HNRNPLL: variants seen among roughly 807,000 people sequenced by gnomAD.
The protein encoded by HNRNPLL is heterogeneous nuclear ribonucleoprotein L like.
A neutral mutation model predicts 67.1 loss-of-function variants in HNRNPLL; 25 were observed. The ratio of observed to expected loss-of-function variants is 0.37; its 90% CI spans 0.27 to 0.52. The LOEUF (loss-of-function observed/expected upper bound fraction) is 0.52. Ranked by LOEUF, HNRNPLL falls within the 20% of genes least tolerant of loss-of-function variation. The pLI, the probability that HNRNPLL is intolerant of heterozygous loss-of-function variation, is 0.90. For missense variants in HNRNPLL, 542 were observed against 673.9 expected (o/e 0.80, Z 2.17); for synonymous variants, 267 against 241.7 (o/e 1.10, Z -0.97).
At chr2:38,602,157 G>A (rs1351216785) in intron 1 of HNRNPLL, 1 of 462,888 alleles carries the variant, frequency 2.2e-6, no homozygotes, top group Non-Finnish European at 3.8e-6. Context: ...CGGAAGCGAC[G>A]CCTCCCCGCC....
chr2:38,588,932 T>C (rs9789634), intron 2 of HNRNPLL, among the ~76,000 whole-genome samples: 11,716 of 152,154 alleles, frequency 0.077, 794 homozygotes, highest in African/African-American at 0.18. Context: ...AGGGACATGG[T>C]AGGATCAATG....
At chr2:38,571,210 T>G (rs1020887321) in intron 8 of HNRNPLL, among the ~76,000 whole-genome samples, 8 of 152,126 alleles carry the variant, frequency 5.3e-5, no homozygotes, top group African/African-American at 1.9e-4. Context: ...GTTTATAAAT[T>G]AGGCACAGTA....
intron 2 of HNRNPLL, 144 bp from the exon 3 acceptor site, chr2:38,586,025 C>G (rs1301336568): frequency 3.2e-5 from 17 of 539,188 alleles, no homozygotes; most frequent in Non-Finnish European, 5.6e-5. Flanking sequence ...CGTAAGTCAA[C>G]TTTTTTTTTT....
At position 38,593,536 on chromosome 2, in the gene HNRNPLL, A is replaced by G. The variant is rs187363918; in HGVS notation, c.190-1888T>C. ...AAACTGTATTGGCCTGAACTCTTCA[A>G]AAAGTTAGTATCAAAAACCAGTGGA... On this transcript the variant is annotated intron_variant, in intron 1 of 12. Transcript: ENST00000449105. Among the ~76,000 whole-genome samples the G allele has an allele frequency of 1.5e-3, 228 of 152,348 alleles. 1 individual carries two copies. Among genetic ancestry groups the G allele is most frequent in the African/African-American group, 5.4e-3 (225 of 41,592 alleles).
At chr2:38,580,961 A>T (rs1307551898) in intron 6 of HNRNPLL, 1 of 152,232 alleles carries the variant, frequency 6.6e-6, no homozygotes, top group Admixed American at 6.5e-5. Context: ...CAAACCACAC[A>T]GAAGAACGTC....
At chr2:38,591,465 T>C in intron 2 of HNRNPLL, 65 bp downstream of exon 2, 1 of 878,174 alleles carries the variant, frequency 1.1e-6, no homozygotes. Context: ...TCAAGGCTTG[T>C]AACAAGCAAG....
intron 7 of HNRNPLL, among the ~76,000 whole-genome samples, chr2:38,575,962 T>A (rs1558533996): frequency 6.6e-6 from 1 of 151,766 alleles, no homozygotes; most frequent in Non-Finnish European, 1.5e-5. Context: ...AGATTAAATA[T>A]CTTAATGGAC....
intron 7 of HNRNPLL, among the ~76,000 whole-genome samples, chr2:38,575,638 A>C (rs1646447034): frequency 6.6e-6 from 1 of 151,856 alleles, no homozygotes; most frequent in African/African-American, 2.4e-5. Context: ...ATCTGATGGA[A>C]TCTATGGGTC....
Position 38,602,693 on chromosome 2 carries a change from C to A in HNRNPLL, c.-67G>T. On this transcript the variant is annotated 5_prime_UTR_variant, in exon 1 of 13. Transcript: ENST00000449105. The stretch of plus-strand genomic sequence containing the variant: ...GCGGTGGGGCGCGCGCCTCGGATGC[C>A]GCCGGCCAGTCCTCGCCGCCGGCAG... 1.4e-6 allele frequency: 2 copies of A among 1,431,278 alleles called. No individual in the cohort carries two copies. Among genetic ancestry groups the A allele is most frequent in the Non-Finnish European group, 1.8e-6 (2 of 1,098,172 alleles). The allele number at this position is 1,431,278 out of a possible 1,614,324, so 88.7% of individuals were successfully genotyped here. A position where few individuals can be genotyped will look rare whatever the true frequency, so the allele number is the denominator to read the frequency against.
intron 7 of HNRNPLL, among the ~76,000 whole-genome samples, chr2:38,574,551 A>G (rs1453313366): frequency 6.7e-6 from 1 of 148,358 alleles, no homozygotes; most frequent in East Asian, 1.9e-4. Flanking sequence ...TCTATCTACT[A>G]AGTGAGTTAC....
intron 8 of HNRNPLL, 81 bp downstream of exon 8, chr2:38,573,129 G>A (rs967943407): frequency 2.3e-6 from 2 of 869,112 alleles, no homozygotes; most frequent in East Asian, 2.6e-5. Flanking sequence ...CCTGATACAA[G>A]GAGAAGACAC....
In HNRNPLL at chr2:38,591,465, T is replaced by TA. The variant is rs1379145884; in HGVS notation, c.308+64dup. 187 of 878,052 alleles carry TA rather than the reference T, an allele frequency of 2.1e-4. 1 individual carries two copies. The highest frequency in any genetic ancestry group is 3.2e-4 in the Non-Finnish European group (162 of 512,294). The allele number at this position is 878,052 out of a possible 1,614,324, so 54.4% of individuals were successfully genotyped here. ...TTACTATGCTAAACATCAAGGCTTG[T>TA]AACAAGCAAGCAAGGATTATTCTAC... On this transcript the variant is annotated intron_variant, in intron 2 of 12. Transcript: ENST00000449105.
intron 12 of HNRNPLL, among the ~76,000 whole-genome samples, chr2:38,565,191 GA>G (rs566881275): frequency 6.6e-6 from 1 of 151,816 alleles, no homozygotes; most frequent in Non-Finnish European, 1.5e-5. Flanking sequence ...GTTCATTAAA[GA>G]AAAAAAATTC....
At chr2:38,596,833 A>C (rs1667212655) in intron 1 of HNRNPLL, among the ~76,000 whole-genome samples, 1 of 152,142 alleles carries the variant, frequency 6.6e-6, no homozygotes, top group Non-Finnish European at 1.5e-5. Flanking sequence ...CTGCGTACCC[A>C]GAAAAAGAAG....
intron 12 of HNRNPLL, among the ~76,000 whole-genome samples, chr2:38,567,647 C>G (rs1015832705): frequency 6.6e-6 from 1 of 152,032 alleles, no homozygotes; most frequent in Non-Finnish European, 1.5e-5. Flanking sequence ...CTGTATAGTC[C>G]CCTCCTACAC....
At chr2:38,582,484 A>C (rs13420480) in intron 4 of HNRNPLL, among the ~76,000 whole-genome samples, 1 of 151,868 alleles carries the variant, frequency 6.6e-6, no homozygotes, top group Non-Finnish European at 1.5e-5. Flanking sequence ...CTAATTTTTA[A>C]TTTTTTTAGT....
chr2:38,600,637 G>A lies in HNRNPLL; in HGVS notation c.189+1801C>T, dbSNP rs185269370. On this transcript the variant is annotated intron_variant, in intron 1 of 12. Coordinates refer to ENST00000449105, the MANE Select transcript of HNRNPLL (RefSeq NM_138394.4). ...AGTCCCAGCAACCCGGGAGGCTGAG[G>A]TAGGAGGATCGCTTGAGACAGGGAG... 1.1e-3 allele frequency among the ~76,000 whole-genome samples: 164 copies of A among 152,080 alleles called. 2 individuals carry two copies. The highest frequency in any genetic ancestry group is 3.8e-3 in the African/African-American group (159 of 41,464).
At chr2:38,602,253 C>T (rs6745023) in intron 1 of HNRNPLL, 185 bp downstream of exon 1, 77,333 of 577,830 alleles carry the variant, frequency 0.13, 5,701 homozygotes, top group Non-Finnish European at 0.15. Flanking sequence ...GCGCCGGGTT[C>T]GCAGTCGGGA....
intron 7 of HNRNPLL, 138 bp downstream of exon 7, chr2:38,577,323 A>G (rs943628180): frequency 1.8e-5 from 10 of 569,506 alleles, no homozygotes; most frequent in Non-Finnish European, 2.9e-5. Context: ...TCCTGGGAGT[A>G]CATTACAAGG....
Sources: gnomAD v4.1 joint callset for allele counts (sites outside exome capture counted in the v4.1 genomes callset) on GRCh38, gnomAD v4.1.1 for gene constraint, MANE v1.5 for transcripts, NCBI Gene and HGNC (gene_info 2026-07-23, HGNC 2026-07-21) for gene names.